ZFAND3: variants seen among roughly 807,000 people sequenced by gnomAD.
The protein encoded by ZFAND3 is zinc finger AN1-type containing 3, also known as AN1-type zinc finger protein 3.
A neutral mutation model predicts 29.6 loss-of-function variants in ZFAND3; 10 were observed. The ratio of observed to expected loss-of-function variants is 0.34; its 90% CI spans 0.21 to 0.57. ZFAND3 has a LOEUF of 0.57. Ranked by LOEUF, ZFAND3 falls within the 20% of genes least tolerant of loss-of-function variation. ZFAND3 has a pLI of 0.86. For missense variants in ZFAND3, 230 were observed against 304.5 expected (o/e 0.76, Z 1.82); for synonymous variants, 128 against 112.6 (o/e 1.14, Z -0.87).
chr6:38,034,708 A>G (rs531943108), intron 2 of ZFAND3, among the ~76,000 whole-genome samples: 2 of 152,192 alleles, frequency 1.3e-5, no homozygotes, highest in African/African-American at 4.8e-5. Context: ...ACTTCTAGGC[A>G]TTTTAAAAAG....
chr6:37,831,398 C>G (rs914316537), intron 1 of ZFAND3, among the ~76,000 whole-genome samples: 20 of 152,328 alleles, frequency 1.3e-4, no homozygotes, highest in Admixed American at 2.0e-4. Context: ...TTTTCCAGAG[C>G]CAGTCCTTTT....
rs1764496097 is a variant in ZFAND3 at position 37,861,770 on chromosome 6, C to T, written c.71+41754C>T. Among the ~76,000 whole-genome samples the T allele has an allele frequency of 2.0e-5, 3 of 152,294 alleles. No individual in the cohort carries two copies. In the South Asian group the frequency reaches 6.2e-4, roughly 32 times the overall value. On this transcript the variant is annotated intron_variant, in intron 1 of 5. Coordinates refer to ENST00000287218, the MANE Select transcript of ZFAND3 (RefSeq NM_021943.3). ...CTTATGTATTATGATGTGTGGTTTTCACACTCCAAAATTTACTTAGAAATA... is the reference window on the plus strand; with the variant it reads ...CTTATGTATTATGATGTGTGGTTTTTACACTCCAAAATTTACTTAGAAATA...
At chr6:37,958,113 G>A (rs1762132610) in intron 2 of ZFAND3, among the ~76,000 whole-genome samples, 1 of 152,102 alleles carries the variant, frequency 6.6e-6, no homozygotes, top group Non-Finnish European at 1.5e-5. Flanking sequence ...CTTTAGTGGT[G>A]TCCATTCAGA....
intron 5 of ZFAND3, among the ~76,000 whole-genome samples, chr6:38,136,984 T>C (rs1370271842): frequency 6.6e-6 from 1 of 152,232 alleles, no homozygotes; most frequent in Admixed American, 6.5e-5. Flanking sequence ...CCAGGATTAA[T>C]TTTCCATGGA....
intron 2 of ZFAND3, among the ~76,000 whole-genome samples, chr6:37,949,475 A>G (rs369813020): frequency 3.3e-5 from 5 of 152,070 alleles, no homozygotes; most frequent in South Asian, 4.1e-4. Context: ...CTCCAGTTCA[A>G]TTCTGACACT....
intron 5 of ZFAND3, among the ~76,000 whole-genome samples, chr6:38,123,852 T>C: frequency 6.6e-6 from 1 of 152,122 alleles, no homozygotes; most frequent in East Asian, 1.9e-4. Flanking sequence ...CGGTGAGTGT[T>C]ACAGGTTATA....
chr6:37,982,737 T>C (rs1474574226), intron 2 of ZFAND3, among the ~76,000 whole-genome samples: 1 of 152,208 alleles, frequency 6.6e-6, no homozygotes, highest in Non-Finnish European at 1.5e-5. Flanking sequence ...TAGAGTATGG[T>C]ATTTATTTTT....
intron 2 of ZFAND3, among the ~76,000 whole-genome samples, chr6:37,971,826 A>G (rs1762392010): frequency 1.0e-5 from 1 of 97,866 alleles, no homozygotes; most frequent in Non-Finnish European, 2.2e-5. Flanking sequence ...CCATCTGTAC[A>G]AAATGAAAAA....
At chr6:38,078,204 G>C (rs1027913229) in intron 3 of ZFAND3, among the ~76,000 whole-genome samples, 1 of 152,110 alleles carries the variant, frequency 6.6e-6, no homozygotes, top group African/African-American at 2.4e-5. Flanking sequence ...CTTTTATGTG[G>C]AATTGCAAAT....
At chr6:37,852,945 C>T (rs953626892) in intron 1 of ZFAND3, among the ~76,000 whole-genome samples, 1 of 152,058 alleles carries the variant, frequency 6.6e-6, no homozygotes, top group Non-Finnish European at 1.5e-5. Flanking sequence ...CTAATATTTT[C>T]TTCACTATAG....
At chr6:38,109,775 C>T (rs1029840626) in intron 4 of ZFAND3, among the ~76,000 whole-genome samples, 1 of 152,142 alleles carries the variant, frequency 6.6e-6, no homozygotes, top group Non-Finnish European at 1.5e-5. Flanking sequence ...TCTGTGTGTT[C>T]TGCGGCTCTT....
intron 1 of ZFAND3, among the ~76,000 whole-genome samples, chr6:37,864,694 T>C (rs1764553418): frequency 6.6e-6 from 1 of 152,090 alleles, no homozygotes; most frequent in Non-Finnish European, 1.5e-5. Context: ...TATGTATATA[T>C]GTGTGTATGT....
At chr6:37,987,828 G>A (rs1177806076) in intron 2 of ZFAND3, among the ~76,000 whole-genome samples, 1 of 152,196 alleles carries the variant, frequency 6.6e-6, no homozygotes, top group African/African-American at 2.4e-5. Flanking sequence ...GTCATGGTTT[G>A]TTTGGTCTCA....
chr6:37,890,645 G>C (rs1485292597), intron 1 of ZFAND3, among the ~76,000 whole-genome samples: 1 of 152,168 alleles, frequency 6.6e-6, no homozygotes, highest in Non-Finnish European at 1.5e-5. Flanking sequence ...TACTCAAAGT[G>C]TCGGAAGTAT....
chr6:38,124,319 A>G (rs11757980), intron 5 of ZFAND3, among the ~76,000 whole-genome samples: 4 of 152,192 alleles, frequency 2.6e-5, no homozygotes, highest in African/African-American at 9.6e-5. Context: ...GTCCCGCGCC[A>G]TGCGCCCGCA....
chr6:38,061,828 A>G (rs1441462352), intron 3 of ZFAND3, 53 bp downstream of exon 3: 2 of 1,585,690 alleles, frequency 1.3e-6, no homozygotes, highest in Non-Finnish European at 8.6e-7. Context: ...AGAACTTTAG[A>G]TGAGCATCTT....
At chr6:37,938,213 A>G (rs1761738317) in intron 2 of ZFAND3, among the ~76,000 whole-genome samples, 1 of 152,248 alleles carries the variant, frequency 6.6e-6, no homozygotes, top group Non-Finnish European at 1.5e-5. Context: ...TTTAGAAACT[A>G]ATCATGTTGA....
rs1330279755 is a variant in ZFAND3, at chr6:37,884,581, G to A, written c.72-45378G>A. On this transcript the variant is annotated intron_variant, in intron 1 of 5. Transcript: ENST00000287218. ...ATTGTTAGGCTGTAATTCCAGTGTG[G>A]CTTCAAGCTCCAGACCAAAATACCA... Among the ~76,000 whole-genome samples, 4 of 143,002 alleles carry A rather than the reference G, an allele frequency of 2.8e-5. 1 individual carries two copies. Among genetic ancestry groups the A allele is most frequent in the African/African-American group, 1.1e-4 (4 of 34,860 alleles). The allele number at this position is 143,002 out of a possible 152,430, so 93.8% of individuals were successfully genotyped here. A position where few individuals can be genotyped will look rare whatever the true frequency, so the allele number is the denominator to read the frequency against.
intron 1 of ZFAND3, among the ~76,000 whole-genome samples, chr6:37,922,174 A>G (rs879728002): frequency 2.0e-5 from 3 of 152,210 alleles, no homozygotes; most frequent in Non-Finnish European, 2.9e-5. Context: ...ATATTTACCA[A>G]AATATACTTT....
Sources: gnomAD v4.1 joint callset for allele counts (sites outside exome capture counted in the v4.1 genomes callset) on GRCh38, gnomAD v4.1.1 for gene constraint, MANE v1.5 for transcripts, NCBI Gene and HGNC (gene_info 2026-07-23, HGNC 2026-07-21) for gene names.